Variants in ATP8A2 observed in about 807,000 individuals in gnomAD.
ATP8A2 encodes the protein ATPase phospholipid transporting 8A2, also known as phospholipid-transporting ATPase IB.
Under a neutral mutation model 165.6 loss-of-function variants are expected in ATP8A2, and 100 were observed. That is an observed-to-expected ratio of 0.60 (90% CI 0.51 to 0.71). The LOEUF (loss-of-function observed/expected upper bound fraction) is 0.71, where lower values mean the gene tolerates loss of function less well. Ranked by LOEUF, ATP8A2 falls within the 30% of genes least tolerant of loss-of-function variation. ATP8A2 has a pLI of 0.00. For missense variants in ATP8A2, 1,227 were observed against 1,479.5 expected, an observed-to-expected ratio of 0.83 and a Z score of 2.80; for synonymous variants, 543 against 548.8, an observed-to-expected ratio of 0.99 and a Z score of 0.15.
At chr13:26,003,639 C>A (rs1187323726) in intron 35 of ATP8A2, among the ~76,000 whole-genome samples, 1 of 152,054 alleles carries the variant, frequency 6.6e-6, no homozygotes, top group East Asian at 1.9e-4. Flanking sequence ...CTTCCTCCAG[C>A]AGTTTTAGTT....
At chr13:25,902,505 G>A (rs901191064) in intron 33 of ATP8A2, among the ~76,000 whole-genome samples, 5 of 151,470 alleles carry the variant, frequency 3.3e-5, no homozygotes, top group African/African-American at 4.9e-5. Context: ...TGGGCCATAA[G>A]TGTTTGAAAC....
chr13:25,899,086 T>C (rs1437917137), intron 33 of ATP8A2, among the ~76,000 whole-genome samples: 1 of 152,142 alleles, frequency 6.6e-6, no homozygotes, highest in African/African-American at 2.4e-5. Context: ...AGTACCTCAG[T>C]TGGAAATGCA....
intron 25 of ATP8A2, among the ~76,000 whole-genome samples, chr13:25,707,024 A>G (rs1380589068): frequency 6.6e-6 from 1 of 152,176 alleles, no homozygotes; most frequent in Non-Finnish European, 1.5e-5. Flanking sequence ...AAATTTCTCA[A>G]AGCCCAAAGC....
rs532671297 is a variant in ATP8A2, at chr13:25,982,383, G to A, written c.3377+13704G>A. On this transcript the variant is annotated intron_variant, in intron 35 of 36. Transcript: ENST00000381655. ...ACATGACGCAGAAGATTGCAGACAC[G>A]AAAGCACTCAAAAGCAAAGAGACAC... Among the ~76,000 whole-genome samples the A allele has an allele frequency of 6.6e-5, 10 of 152,272 alleles. No individual in the cohort carries two copies. The South Asian group carries it at 1.7e-3, about 25-fold the overall frequency.
At chr13:25,587,960 C>G (rs922424389) in intron 23 of ATP8A2, among the ~76,000 whole-genome samples, 1 of 152,080 alleles carries the variant, frequency 6.6e-6, no homozygotes, top group African/African-American at 2.4e-5. Flanking sequence ...TTGTTCCCCC[C>G]TCCTTTTTTT....
chr13:25,470,374 G>A (rs149913288), intron 2 of ATP8A2, among the ~76,000 whole-genome samples: 4 of 152,228 alleles, frequency 2.6e-5, no homozygotes, highest in East Asian at 3.9e-4. Flanking sequence ...AGCATCAGTC[G>A]CAGTGAGTTA....
chr13:25,524,248 G>A (rs754081988), intron 2 of ATP8A2, among the ~76,000 whole-genome samples: 1 of 152,044 alleles, frequency 6.6e-6, no homozygotes, highest in Non-Finnish European at 1.5e-5. Context: ...CTAACTTTTT[G>A]AATGTGCTGG....
intron 35 of ATP8A2, among the ~76,000 whole-genome samples, chr13:25,975,514 G>A (rs890239906): frequency 7.2e-5 from 11 of 152,092 alleles, no homozygotes; most frequent in African/African-American, 9.6e-5. Flanking sequence ...CCCGAGAGGC[G>A]GAGCTTGCGG....
intron 33 of ATP8A2, among the ~76,000 whole-genome samples, chr13:25,879,821 GGAAA>G (rs1326537024): frequency 2.0e-5 from 3 of 152,206 alleles, no homozygotes; most frequent in African/African-American, 7.2e-5. Flanking sequence ...CTTCCATAGG[GGAAA>G]GAGTTAGGAG....
chr13:25,509,504 A>G (rs935709689), intron 2 of ATP8A2, among the ~76,000 whole-genome samples: 8 of 152,074 alleles, frequency 5.3e-5, no homozygotes, highest in East Asian at 1.9e-4. Context: ...TATTAATATT[A>G]TAGTATTTAA....
chr13:25,518,866 C>T (rs1293059527), intron 2 of ATP8A2, among the ~76,000 whole-genome samples: 1 of 152,150 alleles, frequency 6.6e-6, no homozygotes, highest in African/African-American at 2.4e-5. Context: ...TAACAAGATC[C>T]ACCCCATGAG....
At chr13:25,612,191 T>C (rs1234979596) in intron 24 of ATP8A2, among the ~76,000 whole-genome samples, 2 of 152,114 alleles carry the variant, frequency 1.3e-5, no homozygotes, top group Non-Finnish European at 2.9e-5. Flanking sequence ...GTTTGGTTTG[T>C]TCTTGTTTCT....
chr13:25,405,202 G>A (rs891804254), intron 1 of ATP8A2, among the ~76,000 whole-genome samples: 2 of 152,150 alleles, frequency 1.3e-5, no homozygotes. Flanking sequence ...CAGTGCAGAA[G>A]GAGAAGAGGA....
chr13:25,402,139 G>A (rs183243140), intron 1 of ATP8A2, among the ~76,000 whole-genome samples: 10 of 152,222 alleles, frequency 6.6e-5, no homozygotes, highest in African/African-American at 2.2e-4. Flanking sequence ...CATCCTTATC[G>A]TGAATTCGCT....
rs139000919 is a variant in ATP8A2, at chr13:25,597,198, T to C, written c.2211+7499T>C. ...TAGATGTCTGTTGCAAATTTTTTTT[T>C]TACCAATCTTTGTCTTGCCTATCCA... On this transcript the variant is annotated intron_variant, in intron 24 of 36. Coordinates refer to ENST00000381655, the MANE Select transcript of ATP8A2 (RefSeq NM_016529.6). 5.0e-3 allele frequency among the ~76,000 whole-genome samples: 761 copies of C among 152,334 alleles called. 7 individuals carry two copies. Among genetic ancestry groups the C allele is most frequent in the South Asian group, 0.02 (97 of 4,824 alleles).
chr13:25,469,512 G>C (rs114500093), intron 2 of ATP8A2, among the ~76,000 whole-genome samples: 15 of 152,196 alleles, frequency 9.9e-5, no homozygotes, highest in African/African-American at 3.4e-4. Flanking sequence ...TACTATGGGG[G>C]ACGTGCTTCA....
At chr13:25,795,108 C>T (rs1253036144) in intron 27 of ATP8A2, among the ~76,000 whole-genome samples, 1 of 152,074 alleles carries the variant, frequency 6.6e-6, no homozygotes, top group African/African-American at 2.4e-5. Context: ...AGCTTAGTCT[C>T]CTTTAAGACT....
At chr13:25,832,010 G>A (rs1162467971) in intron 28 of ATP8A2, among the ~76,000 whole-genome samples, 2 of 151,554 alleles carry the variant, frequency 1.3e-5, no homozygotes, top group African/African-American at 4.8e-5. Context: ...CGCAATCTTG[G>A]CTCACTGCAA....
chr13:25,398,782 A>C (rs946724183), intron 1 of ATP8A2, among the ~76,000 whole-genome samples: 25 of 152,226 alleles, frequency 1.6e-4, no homozygotes, highest in African/African-American at 6.0e-4. Flanking sequence ...GCTATCAGTG[A>C]GGTTGAGAAG....
Sources: gnomAD v4.1 joint callset for allele counts (sites outside exome capture counted in the v4.1 genomes callset) on GRCh38, gnomAD v4.1.1 for gene constraint, MANE v1.5 for transcripts, NCBI Gene and HGNC (gene_info 2026-07-23, HGNC 2026-07-21) for gene names.